The following ANAPC10 variants were observed in gnomAD, a reference collection of about 807,000 sequenced individuals.
ANAPC10 encodes the protein anaphase promoting complex subunit 10, also known as anaphase-promoting complex subunit 10.
In ANAPC10, 12 loss-of-function variants were observed where a neutral mutation model predicts 22.0. That is an observed-to-expected ratio of 0.55 (90% CI 0.35 to 0.88). ANAPC10 has a LOEUF of 0.88. Among genes scored for constraint, ANAPC10 ranks in the 40% least tolerant of loss-of-function variants. ANAPC10 has a pLI of 0.01. For synonymous variants in ANAPC10, 65 were observed against 69.5 expected (o/e 0.94, Z 0.32); for missense variants, 188 against 220.9 (o/e 0.85, Z 0.94).
chr4:145,054,954 C>A (rs1741828225), intron 4 of ANAPC10, among the ~76,000 whole-genome samples: 1 of 152,050 alleles, frequency 6.6e-6, no homozygotes, highest in African/African-American at 2.4e-5. Flanking sequence ...CCTTACCCAC[C>A]CTTTTCCATA....
At chr4:145,047,524 G>T (rs1740490384) in intron 4 of ANAPC10, among the ~76,000 whole-genome samples, 1 of 152,096 alleles carries the variant, frequency 6.6e-6, no homozygotes, top group Admixed American at 6.6e-5. Context: ...TTTCAAATTT[G>T]AATTCCATAT....
At chr4:145,093,767 A>G (rs1469290481) in intron 2 of ANAPC10, among the ~76,000 whole-genome samples, 1 of 152,158 alleles carries the variant, frequency 6.6e-6, no homozygotes, top group Non-Finnish European at 1.5e-5. Flanking sequence ...AGACAGGCCA[A>G]TGAAAAATAC....
chr4:145,075,324 C>A (rs1219435110), intron 3 of ANAPC10, among the ~76,000 whole-genome samples: 3 of 152,090 alleles, frequency 2.0e-5, no homozygotes, highest in Non-Finnish European at 4.4e-5. Context: ...AGAACTATAA[C>A]TTTATATTAC....
rs894503050 is a variant in ANAPC10 at position 145,092,194 on chromosome 4, G to T, written c.115+3791C>A. 7.2e-5 allele frequency among the ~76,000 whole-genome samples: 11 copies of T among 152,070 alleles called. No individual in the cohort carries two copies. The East Asian group carries it at 2.1e-3, about 29-fold the overall frequency. On this transcript the variant is annotated intron_variant, in intron 2 of 4. Transcript: ENST00000507656. ...GGGGTAGGGGGAGGGAGAGCATTAG[G>T]AAAAATAGCTAATGCATGCTGGGCT...
intron 2 of ANAPC10, among the ~76,000 whole-genome samples, chr4:145,089,926 C>G (rs1747424745): frequency 6.6e-6 from 1 of 152,226 alleles, no homozygotes; most frequent in Non-Finnish European, 1.5e-5. Context: ...CTTACCTTTT[C>G]AACTGCTCAT....
rs1486558554 is a variant in ANAPC10 at position 145,064,562 on chromosome 4, A to C, written c.327+10T>G. On this transcript the variant is annotated intron_variant, in intron 4 of 4. Transcript: ENST00000507656. ...AGGATGACATATTTTTAAAAATTTG[A>C]AAGACATACCCGAATTTCTTGAAGG... 1 of 1,597,350 alleles carries C rather than the reference A, an allele frequency of 6.3e-7. No individual in the cohort carries two copies. The highest frequency in any genetic ancestry group is 1.3e-5 in the African/African-American group (1 of 74,386).
At chr4:145,092,627 T>G (rs1747857471) in intron 2 of ANAPC10, among the ~76,000 whole-genome samples, 1 of 152,190 alleles carries the variant, frequency 6.6e-6, no homozygotes, top group African/African-American at 2.4e-5. Context: ...ACTCTCAGAC[T>G]CTTTTGCAAG....
intron 4 of ANAPC10, among the ~76,000 whole-genome samples, chr4:144,998,572 G>A (rs557862764): frequency 6.6e-6 from 1 of 152,236 alleles, no homozygotes; most frequent in South Asian, 2.1e-4. Context: ...AAACTAATGA[G>A]AACAAAGACA....
intron 2 of ANAPC10, among the ~76,000 whole-genome samples, chr4:145,083,802 C>T (rs893747450): frequency 6.6e-6 from 1 of 152,020 alleles, no homozygotes; most frequent in Non-Finnish European, 1.5e-5. Context: ...CTGCTCTGCA[C>T]CCAGGCAAAA....
chr4:145,009,200 A>C (rs2126907159), intron 4 of ANAPC10, among the ~76,000 whole-genome samples: 1 of 152,324 alleles, frequency 6.6e-6, no homozygotes, highest in South Asian at 2.1e-4. Context: ...AACAAATGGA[A>C]GAACATTCCA....
chr4:145,029,835 T>C (rs534420482), intron 4 of ANAPC10, among the ~76,000 whole-genome samples: 1 of 152,272 alleles, frequency 6.6e-6, no homozygotes, highest in East Asian at 1.9e-4. Flanking sequence ...GTCCAGAAGA[T>C]ATACCCTTGA....
intron 4 of ANAPC10, among the ~76,000 whole-genome samples, chr4:145,054,604 A>AGTGTGTGTGTGTGT (rs70956823): frequency 3.1e-5 from 4 of 128,324 alleles, no homozygotes; most frequent in African/African-American, 1.2e-4. Flanking sequence ...CATACTGAAT[A>AGTGTGTGTGTGTGT]GTGTGTGTGT....
chr4:145,038,039 A>C (rs998738926), intron 4 of ANAPC10, among the ~76,000 whole-genome samples: 3 of 152,106 alleles, frequency 2.0e-5, no homozygotes, highest in Non-Finnish European at 4.4e-5. Flanking sequence ...GAAGCCTTTA[A>C]AAGGCCATTT....
intron 4 of ANAPC10, among the ~76,000 whole-genome samples, chr4:145,000,178 CA>C (rs1158222635): frequency 3.9e-5 from 6 of 152,106 alleles, no homozygotes; most frequent in African/African-American, 1.4e-4. Context: ...AAAGCAGTGG[CA>C]ACAAAAGCCA....
intron 4 of ANAPC10, among the ~76,000 whole-genome samples, chr4:145,020,544 C>T (rs1468210746): frequency 3.3e-5 from 5 of 152,092 alleles, no homozygotes; most frequent in African/African-American, 7.2e-5. Context: ...CCACTCTCAC[C>T]ACTCGTCTTC....
intron 4 of ANAPC10, among the ~76,000 whole-genome samples, chr4:145,059,281 C>T (rs1408141825): frequency 6.6e-6 from 1 of 152,012 alleles, no homozygotes; most frequent in Admixed American, 6.6e-5. Context: ...ACATACTAAC[C>T]ACTTCTGTCA....
intron 4 of ANAPC10, among the ~76,000 whole-genome samples, chr4:145,021,476 A>G (rs545782235): frequency 2.6e-5 from 4 of 152,312 alleles, no homozygotes; most frequent in Admixed American, 2.6e-4. Context: ...AGACACATAT[A>G]GGACAATGAA....
At chr4:145,000,172 C>T (rs574084500) in intron 4 of ANAPC10, among the ~76,000 whole-genome samples, 1 of 152,142 alleles carries the variant, frequency 6.6e-6, no homozygotes, top group Non-Finnish European at 1.5e-5. Context: ...ACACCAAAAG[C>T]AGTGGCAACA....
chr4:145,060,861 C>CTTT (rs879305467), intron 4 of ANAPC10, among the ~76,000 whole-genome samples: 9 of 151,826 alleles, frequency 5.9e-5, no homozygotes, highest in Admixed American at 5.9e-4. Flanking sequence ...TTCATCTTTC[C>CTTT]TTAAAAAGCA....
Sources: gnomAD v4.1 joint callset for allele counts (sites outside exome capture counted in the v4.1 genomes callset) on GRCh38, gnomAD v4.1.1 for gene constraint, MANE v1.5 for transcripts, NCBI Gene and HGNC (gene_info 2026-07-23, HGNC 2026-07-21) for gene names.